TRPS1: variants seen among roughly 807,000 people sequenced by gnomAD.
TRPS1 encodes the protein zinc finger transcription factor Trps1.
In TRPS1, 6 loss-of-function variants were observed where a neutral mutation model predicts 101.2. The ratio of observed to expected loss-of-function variants is 0.06; its 90% CI spans 0.03 to 0.12. The LOEUF (loss-of-function observed/expected upper bound fraction) is 0.12, where lower values mean the gene tolerates loss of function less well. Ranked by LOEUF, TRPS1 falls within the 10% of genes least tolerant of loss-of-function variation. The pLI is 1.00. For missense variants in TRPS1, 1,363 were observed against 1,567.0 expected, an observed-to-expected ratio of 0.87 and a Z score of 2.20; for synonymous variants, 578 against 589.8, an observed-to-expected ratio of 0.98 and a Z score of 0.29.
intron 5 of TRPS1, among the ~76,000 whole-genome samples, chr8:115,558,695 C>A (rs1816881250): frequency 1.3e-5 from 2 of 152,082 alleles, no homozygotes; most frequent in Non-Finnish European, 1.5e-5. Flanking sequence ...TAAGATTTTT[C>A]AAATCCATAA....
At chr8:115,615,496 G>A (rs373449885) in intron 3 of TRPS1, among the ~76,000 whole-genome samples, 6 of 152,180 alleles carry the variant, frequency 3.9e-5, no homozygotes, top group East Asian at 1.9e-4. Context: ...CTAGCAGGGC[G>A]CGGTGGCTCA....
chr8:115,568,886 CT>C (rs1817135970), intron 5 of TRPS1, among the ~76,000 whole-genome samples: 1 of 152,144 alleles, frequency 6.6e-6, no homozygotes, highest in African/African-American at 2.4e-5. Flanking sequence ...TAGCATCTCA[CT>C]TTCTCTTATT....
At chr8:115,660,572 A>T (rs1563676382) in intron 1 of TRPS1, among the ~76,000 whole-genome samples, 1 of 152,042 alleles carries the variant, frequency 6.6e-6, no homozygotes, top group East Asian at 1.9e-4. Flanking sequence ...ATTAACAGAT[A>T]AAGCTATTAT....
intron 1 of TRPS1, among the ~76,000 whole-genome samples, chr8:115,667,498 C>T (rs1811951261): frequency 6.6e-6 from 1 of 152,212 alleles, no homozygotes; most frequent in African/African-American, 2.4e-5. Context: ...TGTCCCACCG[C>T]TGTCAGGCAT....
intron 5 of TRPS1, among the ~76,000 whole-genome samples, chr8:115,562,680 G>C (rs1001136230): frequency 7.9e-5 from 12 of 151,816 alleles, no homozygotes; most frequent in Non-Finnish European, 1.3e-4. Context: ...CCAAGTTCAA[G>C]ACACTGCGCT....
intron 3 of TRPS1, among the ~76,000 whole-genome samples, chr8:115,609,230 A>G (rs1036311004): frequency 2.0e-5 from 3 of 152,206 alleles, no homozygotes; most frequent in Admixed American, 6.5e-5. Context: ...TAGGATTATT[A>G]TTTAATAAAA....
chr8:115,596,644 T>C (rs767679038), intron 4 of TRPS1, among the ~76,000 whole-genome samples: 8 of 151,804 alleles, frequency 5.3e-5, no homozygotes, highest in Non-Finnish European at 1.0e-4. Flanking sequence ...GTATATGATA[T>C]ACATGAGTAT....
chr8:115,507,544 T>C (rs961652049), intron 5 of TRPS1, among the ~76,000 whole-genome samples: 2 of 152,006 alleles, frequency 1.3e-5, no homozygotes, highest in Admixed American at 1.3e-4. Context: ...AAACGACTCA[T>C]CTACACGCAA....
intron 4 of TRPS1, among the ~76,000 whole-genome samples, chr8:115,589,462 T>C (rs918682821): frequency 6.6e-6 from 1 of 152,218 alleles, no homozygotes; most frequent in African/African-American, 2.4e-5. Flanking sequence ...GAGTGCTTAA[T>C]GTAGCATACA....
chr8:115,444,668 A>C (rs2129898587), intron 5 of TRPS1, among the ~76,000 whole-genome samples: 1 of 152,362 alleles, frequency 6.6e-6, no homozygotes, highest in East Asian at 1.9e-4. Flanking sequence ...TCAAATCATC[A>C]GTCCTCAATT....
rs1199784976 is a variant in TRPS1 at position 115,540,849 on chromosome 8, T to C, written c.2700+46152A>G. On this transcript the variant is annotated intron_variant, in intron 5 of 6. Coordinates refer to ENST00000395715, the MANE Select transcript of TRPS1 (RefSeq NM_014112.5). The stretch of plus-strand genomic sequence containing the variant: ...TAAATATATATCTAATATATACCCA[T>C]GAAAATTAAAAAGAAAATAAAATTT... 2.0e-5 allele frequency among the ~76,000 whole-genome samples: 3 copies of C among 151,868 alleles called. No homozygotes were observed. In the East Asian group the frequency reaches 5.8e-4, roughly 29 times the overall value.
intron 1 of TRPS1, among the ~76,000 whole-genome samples, chr8:115,628,127 T>C (rs1818551355): frequency 6.6e-6 from 1 of 151,780 alleles, no homozygotes; most frequent in Admixed American, 6.6e-5. Context: ...CTTTGTGCCT[T>C]CATATGCAAT....
At chr8:115,594,272 C>T (rs907011119) in intron 4 of TRPS1, among the ~76,000 whole-genome samples, 21 of 151,904 alleles carry the variant, frequency 1.4e-4, no homozygotes, top group Non-Finnish European at 4.4e-5. Context: ...ATCCTCCTGC[C>T]ACACTGACAG....
rs538313704 is a variant in TRPS1 at position 115,502,820 on chromosome 8, T to C, written c.2700+84181A>G. 2.8e-4 allele frequency among the ~76,000 whole-genome samples: 43 copies of C among 152,314 alleles called. No individual in the cohort carries two copies. In the East Asian group the frequency reaches 8.1e-3, roughly 29 times the overall value. On this transcript the variant is annotated intron_variant, in intron 5 of 6. Coordinates refer to ENST00000395715, the MANE Select transcript of TRPS1 (RefSeq NM_014112.5). The stretch of plus-strand genomic sequence containing the variant: ...AATATTTAATAAAGGGAATATTCAT[T>C]ACCAGGCACAGTGGGAATTTTTTGA...
At chr8:115,547,103 T>G (rs756000395) in intron 5 of TRPS1, among the ~76,000 whole-genome samples, 11 of 152,192 alleles carry the variant, frequency 7.2e-5, no homozygotes, top group Non-Finnish European at 1.6e-4. Flanking sequence ...TTAATTATAT[T>G]AAGAAATATA....
chr8:115,585,936 A>G (rs549397556), intron 5 of TRPS1, among the ~76,000 whole-genome samples: 1 of 152,216 alleles, frequency 6.6e-6, no homozygotes, highest in Non-Finnish European at 1.5e-5. Flanking sequence ...AAGCACAGAT[A>G]GGCTTCAGAG....
At chr8:115,417,689 CT>C in intron 6 of TRPS1, among the ~76,000 whole-genome samples, 1 of 152,258 alleles carries the variant, frequency 6.6e-6, no homozygotes, top group Admixed American at 6.5e-5. Flanking sequence ...CCAAAGCCAG[CT>C]GGAGATCTTA....
At position 115,619,676 on chromosome 8, in the gene TRPS1, G is replaced by A. The variant is rs201699015; in HGVS notation, c.422C>T (p.Pro141Leu). ...AGGVCEPLKS[P>L]QRAEADDPQD... is the part of the protein sequence containing the mutation. ...AGGGTCATCTGCCTCTGCTCTTTGCGGAGACTTCAAGGGCTCACAGACTCC... is the reference window on the plus strand; with the variant it reads ...AGGGTCATCTGCCTCTGCTCTTTGCAGAGACTTCAAGGGCTCACAGACTCC... Residue 141 changes from proline (P) to leucine (L), a missense_variant, in exon 3 of 7, where the codon CCG becomes CTG. Physicochemically the swap from Pro to Leu is moderately conservative, Grantham distance 98. This residue lies in a region of TRPS1 where 1,020 missense variants were observed against 1,073.0 expected (regional missense o/e 0.95). Transcript: ENST00000395715. 8.4e-5 allele frequency: 135 copies of A among 1,614,006 alleles called. No homozygotes were observed. Among genetic ancestry groups the A allele is most frequent in the Admixed American group, 3.7e-4 (22 of 59,996 alleles).
At chr8:115,478,908 AATGTATAT>A (rs897822378) in intron 5 of TRPS1, among the ~76,000 whole-genome samples, 8 of 148,158 alleles carry the variant, frequency 5.4e-5, no homozygotes, top group African/African-American at 9.8e-5. Context: ...TATGTATATA[AATGTATAT>A]ATGTATATAT....
Sources: allele counts gnomAD v4.1 joint callset (sites outside exome capture counted in the v4.1 genomes callset), GRCh38; gene constraint gnomAD v4.1.1; regional missense constraint gnomAD v4.1.1; transcripts MANE v1.5; gene names NCBI Gene and HGNC (gene_info 2026-07-23, HGNC 2026-07-21).